Variants in ERICH6B observed in about 807,000 individuals in gnomAD.
The protein encoded by ERICH6B is glutamate-rich protein 6B.
Under a neutral mutation model 80.0 loss-of-function variants are expected in ERICH6B, and 69 were observed. The ratio of observed to expected loss-of-function variants is 0.86; its 90% CI spans 0.71 to 1.05. The LOEUF (loss-of-function observed/expected upper bound fraction) is 1.05. ERICH6B is among the 50% of genes least tolerant of loss of function. The pLI, the probability that ERICH6B is intolerant of heterozygous loss-of-function variation, is 0.00. For missense variants in ERICH6B, 754 were observed against 796.1 expected (o/e 0.95, Z 0.64); for synonymous variants, 283 against 291.9 (o/e 0.97, Z 0.31).
In ERICH6B at chr13:45,559,414, G is replaced by T. The variant is rs533938106; in HGVS notation, c.1407+1955C>A. Among the ~76,000 whole-genome samples the T allele has an allele frequency of 2.1e-3, 312 of 151,436 alleles. 1 individual carries two copies. Among genetic ancestry groups the T allele is most frequent in the Middle Eastern group, 3.4e-3 (1 of 294 alleles). Reference sequence around the variant, plus strand: ...TTTCATTTAGTTCTGCTCTGATCTTGGTTATTTCTTTTCTTCTGCTTGGTT... The same window carrying T: ...TTTCATTTAGTTCTGCTCTGATCTTTGTTATTTCTTTTCTTCTGCTTGGTT... On this transcript the variant is annotated intron_variant, in intron 11 of 14. Transcript: ENST00000298738.
intron 9 of ERICH6B, among the ~76,000 whole-genome samples, chr13:45,564,672 G>C (rs779572692): frequency 6.6e-6 from 1 of 152,194 alleles, no homozygotes; most frequent in Non-Finnish European, 1.5e-5. Flanking sequence ...TGGCCCATTT[G>C]TACCAAATGT....
chr13:45,596,855 G>A lies in ERICH6B; in HGVS notation c.151C>T (p.Pro51Ser). The change falls in exon 3 of 15, where the codon CCA becomes TCA. Residue 51 changes from proline (P) to serine (S), a missense_variant. Coordinates refer to ENST00000298738, the MANE Select transcript of ERICH6B (RefSeq NM_182542.3). Reference sequence around the variant, plus strand: ...TTGTCCTCCAGAGACTCTCCCTCTGGAGAAAATGGAGATTCATCCTGTAGA... The same window carrying A: ...TTGTCCTCCAGAGACTCTCCCTCTGAAGAAAATGGAGATTCATCCTGTAGA... Reference protein sequence around the residue: ...ESLQDESPFSPEGESLEDKEY... With the variant: ...ESLQDESPFSSEGESLEDKEY... 1 of 1,551,742 alleles carries A rather than the reference G, an allele frequency of 6.4e-7. No homozygotes were observed.
rs1385909376 is a variant in ERICH6B, at chr13:45,550,263, T to G, written c.1461A>C (p.Gln487His). 6.4e-7 allele frequency: 1 copy of G among 1,551,660 alleles called. No individual in the cohort carries two copies. The highest frequency in any genetic ancestry group is 8.7e-7 in the Non-Finnish European group (1 of 1,146,946). The change falls in exon 12 of 15, where the codon CAA becomes CAC. Residue 487 changes from glutamine to histidine, a missense_variant. Coordinates refer to ENST00000298738, the MANE Select transcript of ERICH6B (RefSeq NM_182542.3). The part of the protein sequence containing the change: ...LILYPNKNVY[Q>H]ILFPDGTGQI... ...GGCCTGTCCCATCAGGAAAGAGAAT[T>G]TGATAGACATTCTTGTTGGGGTAGA...
intron 3 of ERICH6B, among the ~76,000 whole-genome samples, chr13:45,592,584 A>G (rs1876199588): frequency 6.6e-6 from 1 of 152,236 alleles, no homozygotes; most frequent in Admixed American, 6.5e-5. Flanking sequence ...TCGATGCACT[A>G]TGTATATCAA....
intron 8 of ERICH6B, among the ~76,000 whole-genome samples, chr13:45,571,258 A>G (rs1037886029): frequency 8.5e-5 from 13 of 152,136 alleles, no homozygotes; most frequent in Admixed American, 6.5e-4. Flanking sequence ...GAGTTTCACA[A>G]TGTGTATCAT....
At chr13:45,546,736 C>T (rs1465064473) in intron 13 of ERICH6B, among the ~76,000 whole-genome samples, 3 of 152,112 alleles carry the variant, frequency 2.0e-5, no homozygotes, top group Non-Finnish European at 1.5e-5. Flanking sequence ...TTCCAGCTCC[C>T]TCTGCATTTG....
chr13:45,613,960 G>A (rs1039388556), intron 1 of ERICH6B, among the ~76,000 whole-genome samples: 27 of 152,274 alleles, frequency 1.8e-4, no homozygotes, highest in African/African-American at 6.5e-4. Flanking sequence ...TGAGGAATTT[G>A]CTGCCAGGGT....
Position 45,596,388 on chromosome 13 carries a change from C to A in ERICH6B, c.618G>T (p.Leu206=). 6.4e-7 allele frequency: 1 copy of A among 1,550,520 alleles called. No homozygotes were observed. The highest frequency in any genetic ancestry group is 8.7e-7 in the Non-Finnish European group (1 of 1,146,598). The change falls in exon 3 of 15, where the codon CTG becomes CTT. Residue 206 remains leucine (L), a synonymous_variant. Transcript: ENST00000298738. ...ACTCACCTTTCAGATACTTTTTATA[C>A]AGATTTTCTTTTCCATCCAGATTCT... ...KEENLDGKEN[L]YKKYLKEPKA...
intron 9 of ERICH6B, among the ~76,000 whole-genome samples, chr13:45,567,887 G>A (rs996882566): frequency 6.6e-6 from 1 of 152,320 alleles, no homozygotes; most frequent in African/African-American, 2.4e-5. Context: ...CTCACCTAGC[G>A]TGAAGCCAGG....
At chr13:45,564,847 T>A (rs1030478201) in intron 9 of ERICH6B, among the ~76,000 whole-genome samples, 1 of 152,172 alleles carries the variant, frequency 6.6e-6, no homozygotes, top group Non-Finnish European at 1.5e-5. Context: ...AGTGAGGGGA[T>A]CTAGCCAGAG....
rs546178052 is a variant in ERICH6B, at chr13:45,559,103, G to T, written c.1407+2266C>A. Among the ~76,000 whole-genome samples, 85 of 152,184 alleles carry T rather than the reference G, an allele frequency of 5.6e-4. 1 individual carries two copies. The highest frequency in any genetic ancestry group is 2.0e-3 in the African/African-American group (81 of 41,528). On this transcript the variant is annotated intron_variant, in intron 11 of 14. Coordinates refer to ENST00000298738, the MANE Select transcript of ERICH6B (RefSeq NM_182542.3). ...ACTGCTTGTTATTGGTCTGTTCAGG[G>T]TATCTAATTCTTCCTGATTTAAGCT...
intron 8 of ERICH6B, among the ~76,000 whole-genome samples, chr13:45,572,161 A>G (rs1875199048): frequency 6.6e-6 from 1 of 152,206 alleles, no homozygotes; most frequent in South Asian, 2.1e-4. Flanking sequence ...GTGTGTACCA[A>G]ATAGAACTTT....
rs113580843 is a variant in ERICH6B, at chr13:45,559,109, A to G, written c.1407+2260T>C. On this transcript the variant is annotated intron_variant, in intron 11 of 14. Coordinates refer to ENST00000298738, the MANE Select transcript of ERICH6B (RefSeq NM_182542.3). ...TGTTATTGGTCTGTTCAGGGTATCT[A>G]ATTCTTCCTGATTTAAGCTAGGAGG... Among the ~76,000 whole-genome samples the G allele has an allele frequency of 4.9e-4, 74 of 152,062 alleles. 1 individual carries two copies. Among genetic ancestry groups the G allele is most frequent in the Non-Finnish European group, 7.4e-5 (5 of 68,020 alleles).
intron 7 of ERICH6B, among the ~76,000 whole-genome samples, chr13:45,576,075 T>C (rs776120373): frequency 2.6e-5 from 4 of 152,018 alleles, no homozygotes; most frequent in Non-Finnish European, 4.4e-5. Flanking sequence ...AGAGATGGGA[T>C]GTTCTTTGTG....
At chr13:45,573,634 A>G (rs1329028533) in intron 8 of ERICH6B, among the ~76,000 whole-genome samples, 1 of 152,200 alleles carries the variant, frequency 6.6e-6, no homozygotes, top group Non-Finnish European at 1.5e-5. Flanking sequence ...CTGGAATGGC[A>G]CGGTGCTTGT....
chr13:45,543,653 C>T (rs1031520522), intron 14 of ERICH6B, among the ~76,000 whole-genome samples: 1 of 152,220 alleles, frequency 6.6e-6, no homozygotes, highest in African/African-American at 2.4e-5. Context: ...GCCCCATGGA[C>T]ACCTTGATCT....
At chr13:45,559,334 T>C (rs1243855768) in intron 11 of ERICH6B, among the ~76,000 whole-genome samples, 1 of 152,126 alleles carries the variant, frequency 6.6e-6, no homozygotes, top group African/African-American at 2.4e-5. Flanking sequence ...ATCAATTTTA[T>C]TTATCTTTTC....
intron 2 of ERICH6B, among the ~76,000 whole-genome samples, chr13:45,603,337 A>G (rs951906837): frequency 5.3e-5 from 8 of 152,172 alleles, no homozygotes; most frequent in African/African-American, 1.4e-4. Context: ...AGTTCAGTCA[A>G]ATTAACACAT....
At chr13:45,610,002 A>G (rs1263445797) in intron 1 of ERICH6B, among the ~76,000 whole-genome samples, 5 of 152,206 alleles carry the variant, frequency 3.3e-5, no homozygotes, top group African/African-American at 1.2e-4. Context: ...TGAAATGATA[A>G]TAGCCCTTCC....
Sources: allele counts gnomAD v4.1 joint callset (sites outside exome capture counted in the v4.1 genomes callset), GRCh38; gene constraint gnomAD v4.1.1; transcripts MANE v1.5; gene names NCBI Gene and HGNC (gene_info 2026-07-23, HGNC 2026-07-21).